CDC5L: variants seen among roughly 807,000 people sequenced by gnomAD.
CDC5L encodes cell division cycle 5-like protein.
CDC5L carries 18 observed loss-of-function variants against 104.1 expected under a neutral mutation model. The observed-to-expected ratio is 0.17, with a 90% CI of 0.12 to 0.26. The LOEUF is 0.26. Ranked by LOEUF, CDC5L falls within the 10% of genes least tolerant of loss-of-function variation. The pLI is 1.00. For synonymous variants in CDC5L, 331 were observed against 322.7 expected (o/e 1.03, Z -0.28); for missense variants, 673 against 956.9 (o/e 0.70, Z 3.91).
chr6:44,402,013 C>T (rs1246924259), intron 5 of CDC5L, among the ~76,000 whole-genome samples: 1 of 134,592 alleles, frequency 7.4e-6, no homozygotes, highest in African/African-American at 2.8e-5. Flanking sequence ...CATAGTATTC[C>T]ATGGTGTATA....
At chr6:44,422,432 AT>A (rs1354861941) in intron 9 of CDC5L, among the ~76,000 whole-genome samples, 9 of 152,226 alleles carry the variant, frequency 5.9e-5, no homozygotes, top group Non-Finnish European at 8.8e-5. Context: ...AAATGTAGTG[AT>A]TATTGTAAGT....
At chr6:44,423,817 T>TAAAAGATAC (rs1792298548) in intron 10 of CDC5L, among the ~76,000 whole-genome samples, 1 of 152,202 alleles carries the variant, frequency 6.6e-6, no homozygotes, top group Admixed American at 6.5e-5. Flanking sequence ...TCAAGTATCT[T>TAAAAGATAC]TTAGAGTGGA....
chr6:44,439,497 G>A (rs1054147592), intron 14 of CDC5L, among the ~76,000 whole-genome samples: 1 of 152,100 alleles, frequency 6.6e-6, no homozygotes, highest in Admixed American at 6.6e-5. Flanking sequence ...CAGAGGTCCA[G>A]TGTGTGTTGT....
intron 8 of CDC5L, among the ~76,000 whole-genome samples, chr6:44,410,172 A>G (rs115337345): frequency 0.012 from 1,805 of 152,164 alleles, 18 homozygotes; most frequent in Middle Eastern, 0.054. Context: ...TCTTGAACTT[A>G]TTTCTCCTGT....
At chr6:44,427,496 C>G (rs1792479115) in intron 13 of CDC5L, among the ~76,000 whole-genome samples, 1 of 152,208 alleles carries the variant, frequency 6.6e-6, no homozygotes. Context: ...TACAAACTCT[C>G]CTGTCTTCTC....
intron 10 of CDC5L, 108 bp downstream of exon 10, chr6:44,422,917 A>G (rs558740136): frequency 1.9e-5 from 11 of 594,138 alleles, no homozygotes; most frequent in South Asian, 1.4e-4. Context: ...TTAAGAATCT[A>G]TACACCTGTG....
chr6:44,412,678 T>G (rs1791701507), intron 8 of CDC5L, among the ~76,000 whole-genome samples: 1 of 152,126 alleles, frequency 6.6e-6, no homozygotes, highest in East Asian at 1.9e-4. Flanking sequence ...CTTTCATGGT[T>G]TTTAAACAGT....
intron 6 of CDC5L, among the ~76,000 whole-genome samples, chr6:44,405,718 T>C (rs1201977264): frequency 1.3e-5 from 2 of 152,202 alleles, no homozygotes; most frequent in Non-Finnish European, 2.9e-5. Flanking sequence ...GGAATAGTTT[T>C]TGACATTATG....
At chr6:44,422,837 T>C (rs1005298339) in intron 10 of CDC5L, 28 bp downstream of exon 10, 2 of 1,531,262 alleles carry the variant, frequency 1.3e-6, no homozygotes, top group Admixed American at 2.0e-5. Context: ...TTTAATACTC[T>C]TAAATTTTTT....
At chr6:44,424,727 C>T in intron 11 of CDC5L, 144 bp downstream of exon 11, 1 of 662,846 alleles carries the variant, frequency 1.5e-6, no homozygotes, top group Non-Finnish European at 2.5e-6. Flanking sequence ...TAACTTATGT[C>T]ATTAATAATG....
intron 8 of CDC5L, among the ~76,000 whole-genome samples, chr6:44,417,137 C>T (rs959258790): frequency 1.3e-5 from 2 of 152,054 alleles, no homozygotes; most frequent in Non-Finnish European, 2.9e-5. Flanking sequence ...TCCATGATGT[C>T]TAGGGCCTTA....
intron 14 of CDC5L, among the ~76,000 whole-genome samples, chr6:44,441,343 A>G (rs1410215103): frequency 6.6e-6 from 1 of 152,224 alleles, no homozygotes; most frequent in African/African-American, 2.4e-5. Context: ...AAGACTGAAT[A>G]GTATTCCGTT....
At position 44,448,348 on chromosome 6, in the gene CDC5L, C is replaced by T. The variant is rs1354243294; in HGVS notation, c.*1637C>T. The T allele has an allele frequency of 6.6e-6, 1 of 152,124 alleles. No individual in the cohort carries two copies. Among genetic ancestry groups the T allele is most frequent in the Admixed American group, 6.5e-5 (1 of 15,280 alleles). 9.4% of individuals were successfully genotyped at this position (152,124 alleles called of 1,614,324 possible). ...ATCTTACTTTAAATATGATAAGAAT[C>T]GATGAGAAGATCTAAGCAAAGGAAT... On this transcript the variant is annotated 3_prime_UTR_variant, in exon 16 of 16. Coordinates refer to ENST00000371477, the MANE Select transcript of CDC5L (RefSeq NM_001253.4).
At chr6:44,429,015 CTTTTTTTTTT>C (rs922435895) in intron 13 of CDC5L, among the ~76,000 whole-genome samples, 2 of 95,596 alleles carry the variant, frequency 2.1e-5, no homozygotes, top group African/African-American at 4.6e-5. Context: ...GTTTCATTAG[CTTTTTTTTTT>C]TTTTTTTTTT....
intron 6 of CDC5L, among the ~76,000 whole-genome samples, chr6:44,406,100 C>T (rs1388436634): frequency 1.3e-5 from 2 of 152,168 alleles, no homozygotes; most frequent in African/African-American, 4.8e-5. Context: ...TGGGGTTTCG[C>T]CACGTTGGCC....
chr6:44,393,631 A>G (rs757067196), intron 4 of CDC5L, 58 bp downstream of exon 4: 268 of 1,525,646 alleles, frequency 1.8e-4, no homozygotes, highest in Non-Finnish European at 2.3e-4. Context: ...CTTGGGCCTC[A>G]CTCTTTTAGT....
At chr6:44,400,736 A>T (rs1791084083) in intron 5 of CDC5L, among the ~76,000 whole-genome samples, 1 of 152,124 alleles carries the variant, frequency 6.6e-6, no homozygotes, top group Non-Finnish European at 1.5e-5. Context: ...GAAGCATCTG[A>T]TGTTGCTCCT....
At position 44,435,878 on chromosome 6, in the gene CDC5L, T is replaced by G. The variant is rs374094570; in HGVS notation, c.2091+5968T>G. Among the ~76,000 whole-genome samples the G allele has an allele frequency of 5.6e-4, 84 of 150,234 alleles. 2 individuals are homozygous for G. In the East Asian group the frequency reaches 0.015, roughly 26 times the overall value. Reference sequence around the variant, plus strand: ...CTCGCTGCAACCTCTGCCTCCAGGGTTCAAGCAATTCTCTTGCCTCAGCCT... The same window carrying G: ...CTCGCTGCAACCTCTGCCTCCAGGGGTCAAGCAATTCTCTTGCCTCAGCCT... On this transcript the variant is annotated intron_variant, in intron 14 of 15. Coordinates refer to ENST00000371477, the MANE Select transcript of CDC5L (RefSeq NM_001253.4).
At chr6:44,418,385 C>T (rs1791998970) in intron 8 of CDC5L, among the ~76,000 whole-genome samples, 2 of 152,140 alleles carry the variant, frequency 1.3e-5, no homozygotes, top group Admixed American at 1.3e-4. Context: ...TTTTCTTAAT[C>T]CAGTCTATCA....
Sources: allele counts gnomAD v4.1 joint callset (sites outside exome capture counted in the v4.1 genomes callset), GRCh38; gene constraint gnomAD v4.1.1; transcripts MANE v1.5; gene names NCBI Gene and HGNC (gene_info 2026-07-23, HGNC 2026-07-21).